The following HTR7 variants were observed in gnomAD, a reference collection of about 807,000 sequenced individuals.
The protein encoded by HTR7 is 5-HT-7.
HTR7 carries 16 observed loss-of-function variants against 34.0 expected under a neutral mutation model. The observed-to-expected ratio is 0.47, with a 90% CI of 0.32 to 0.71. The LOEUF (loss-of-function observed/expected upper bound fraction) is 0.71, where lower values mean the gene tolerates loss of function less well. HTR7 is among the 30% of genes least tolerant of loss of function. The pLI is 0.04. For synonymous variants in HTR7, 265 were observed against 260.2 expected (o/e 1.02, Z -0.18); for missense variants, 504 against 625.5 (o/e 0.81, Z 2.07).
intron 1 of HTR7, among the ~76,000 whole-genome samples, chr10:90,764,014 G>A (rs1201969879): frequency 6.6e-6 from 1 of 152,132 alleles, no homozygotes; most frequent in Non-Finnish European, 1.5e-5. Flanking sequence ...TCTGCTTCTA[G>A]GTCCTTGAGG....
intron 1 of HTR7, among the ~76,000 whole-genome samples, chr10:90,765,468 CA>C (rs760283934): frequency 1.3e-5 from 2 of 149,702 alleles, no homozygotes; most frequent in Admixed American, 1.3e-4. Context: ...TTATCTTTTC[CA>C]AAAAAAACTA....
In HTR7 at chr10:90,746,252, C is replaced by A. The variant is rs555512707; in HGVS notation, c.1296-2562G>T. Among the ~76,000 whole-genome samples the A allele has an allele frequency of 2.0e-3, 303 of 152,226 alleles. 1 individual carries two copies. The highest frequency in any genetic ancestry group is 5.4e-3 in the African/African-American group (226 of 41,518). The stretch of plus-strand genomic sequence containing the variant: ...TGTCTGAGAGTGAATCCTCAGCAAA[C>A]GCATGTTATTATTTTAAACTGGAAA... On this transcript the variant is annotated intron_variant, in intron 2 of 3. Transcript: ENST00000336152.
At chr10:90,763,258 T>C (rs767192752) in intron 1 of HTR7, among the ~76,000 whole-genome samples, 1 of 152,214 alleles carries the variant, frequency 6.6e-6, no homozygotes, top group Non-Finnish European at 1.5e-5. Flanking sequence ...ATTCTTCTAC[T>C]CCATGAACAT....
intron 1 of HTR7, among the ~76,000 whole-genome samples, chr10:90,855,759 T>C (rs764991099): frequency 6.6e-6 from 1 of 152,256 alleles, no homozygotes; most frequent in Non-Finnish European, 1.5e-5. Flanking sequence ...GTTCATGCTC[T>C]GCTCTTAAGT....
chr10:90,826,966 T>C (rs546835413), intron 1 of HTR7, among the ~76,000 whole-genome samples: 5 of 151,132 alleles, frequency 3.3e-5, no homozygotes, highest in Non-Finnish European at 7.4e-5. Flanking sequence ...AATAATAAAA[T>C]AAATAAATGA....
At chr10:90,832,593 C>T (rs980317070) in intron 1 of HTR7, among the ~76,000 whole-genome samples, 5 of 152,218 alleles carry the variant, frequency 3.3e-5, no homozygotes, top group African/African-American at 9.6e-5. Context: ...GGAGCTGGCT[C>T]CAGCCTCAGC....
chr10:90,781,364 T>C (rs1246462619), intron 1 of HTR7, among the ~76,000 whole-genome samples: 1 of 152,172 alleles, frequency 6.6e-6, no homozygotes, highest in Non-Finnish European at 1.5e-5. Context: ...GCCGAACCCC[T>C]AACAAATGAG....
intron 3 of HTR7, among the ~76,000 whole-genome samples, chr10:90,743,229 C>T (rs2119656879): frequency 6.6e-6 from 1 of 152,300 alleles, no homozygotes; most frequent in South Asian, 2.1e-4. Context: ...GTCTTGCCTG[C>T]AGTCCTGCTC....
chr10:90,851,815 C>T (rs113670929), intron 1 of HTR7, among the ~76,000 whole-genome samples: 5,483 of 152,046 alleles, frequency 0.036, 324 homozygotes, highest in African/African-American at 0.13. Context: ...TCCCCCATAC[C>T]GTTCTCCTGG....
intron 1 of HTR7, among the ~76,000 whole-genome samples, chr10:90,782,934 G>A (rs1235162050): frequency 2.0e-5 from 3 of 152,132 alleles, no homozygotes; most frequent in East Asian, 3.8e-4. Context: ...ATTCTAACCT[G>A]TCAAGTCTGC....
intron 1 of HTR7, among the ~76,000 whole-genome samples, chr10:90,806,803 A>G (rs1168839201): frequency 6.6e-6 from 1 of 152,164 alleles, no homozygotes; most frequent in East Asian, 1.9e-4. Context: ...AACAAAAGTA[A>G]AAGAGTGTGC....
At chr10:90,784,209 A>C (rs1401299337) in intron 1 of HTR7, among the ~76,000 whole-genome samples, 1 of 152,246 alleles carries the variant, frequency 6.6e-6, no homozygotes, top group African/African-American at 2.4e-5. Flanking sequence ...TTATCTTAAA[A>C]TTAATTATAT....
At chr10:90,812,758 C>T (rs1214554923) in intron 1 of HTR7, among the ~76,000 whole-genome samples, 1 of 152,162 alleles carries the variant, frequency 6.6e-6, no homozygotes, top group Non-Finnish European at 1.5e-5. Flanking sequence ...GCCACCCCAA[C>T]ACTTCAACAC....
intron 1 of HTR7, among the ~76,000 whole-genome samples, chr10:90,765,888 T>C (rs916460956): frequency 6.6e-6 from 1 of 152,222 alleles, no homozygotes; most frequent in African/African-American, 2.4e-5. Flanking sequence ...AAAAGATACT[T>C]GATATGATAT....
At chr10:90,745,708 T>C (rs1360548612) in intron 2 of HTR7, among the ~76,000 whole-genome samples, 2 of 152,246 alleles carry the variant, frequency 1.3e-5, no homozygotes, top group East Asian at 3.8e-4. Flanking sequence ...GCAAAGAAGA[T>C]ACAGCAGACT....
At chr10:90,845,003 T>C (rs1289591284) in intron 1 of HTR7, among the ~76,000 whole-genome samples, 1 of 151,932 alleles carries the variant, frequency 6.6e-6, no homozygotes, top group Non-Finnish European at 1.5e-5. Context: ...AAGAGGCTAC[T>C]GTGAGTGCCC....
At chr10:90,810,956 C>A (rs113514739) in intron 1 of HTR7, among the ~76,000 whole-genome samples, 2,208 of 152,328 alleles carry the variant, frequency 0.014, 55 homozygotes, top group African/African-American at 0.05. Context: ...TGGTTAGATA[C>A]TTTCGACTTT....
intron 1 of HTR7, among the ~76,000 whole-genome samples, chr10:90,761,728 T>C (rs1564673200): frequency 6.6e-6 from 1 of 152,036 alleles, no homozygotes; most frequent in Non-Finnish European, 1.5e-5. Flanking sequence ...ATAGTCACCA[T>C]GCTGTACATT....
At position 90,857,066 on chromosome 10, in the gene HTR7, A is replaced by C; in HGVS notation, c.539+67T>G. The C allele has an allele frequency of 8.6e-6, 12 of 1,389,340 alleles. No individual in the cohort carries two copies. Among genetic ancestry groups the C allele is most frequent in the Non-Finnish European group, 9.6e-6 (10 of 1,036,434 alleles). The allele number at this position is 1,389,340 out of a possible 1,614,324, so 86.1% of individuals were successfully genotyped here. On this transcript the variant is annotated intron_variant, in intron 1 of 3. Transcript: ENST00000336152. The surrounding 1 kb of genome is among the most constrained non-coding windows in gnomAD (Gnocchi z 6.5). ...TAGCTTGATCCTCCCAGGAAAGGCG[A>C]GCGCGCGGGGCTGAGCTGCCAGCCG...
Sources: gnomAD v4.1 joint callset for allele counts (sites outside exome capture counted in the v4.1 genomes callset) on GRCh38, gnomAD v4.1.1 for gene constraint, Gnocchi (gnomAD v3.1) non-coding constraint, MANE v1.5 for transcripts, NCBI Gene and HGNC (gene_info 2026-07-23, HGNC 2026-07-21) for gene names.